The following MAOB variants were observed in gnomAD, a reference collection of about 807,000 sequenced individuals.
MAOB encodes the protein monoamine oxidase B.
MAOB carries 15 observed loss-of-function variants against 41.9 expected under a neutral mutation model. The ratio of observed to expected loss-of-function variants is 0.36; its 90% CI spans 0.24 to 0.55. The LOEUF (loss-of-function observed/expected upper bound fraction) is 0.55, where lower values mean the gene tolerates loss of function less well. Ranked by LOEUF, MAOB falls within the 20% of genes least tolerant of loss-of-function variation. The pLI, the probability that MAOB is intolerant of heterozygous loss-of-function variation, is 0.86. For missense variants in MAOB, 345 were observed against 398.7 expected (o/e 0.87, Z 1.15); for synonymous variants, 167 against 144.2 (o/e 1.16, Z -1.13).
At chrX:43,842,412 G>A (rs1161468840) in intron 2 of MAOB, among the ~76,000 whole-genome samples, 1 of 112,421 alleles carries the variant, frequency 8.9e-6, no homozygotes, top group East Asian at 2.8e-4. Flanking sequence ...AAAATAATCA[G>A]TGTTGTCAAG....
Position 43,838,982 on chromosome X carries a change from G to GTCC in MAOB, c.162_164dup (p.Val54_Asp55insGlu). On this transcript the variant is annotated inframe_insertion, in exon 3 of 15. Coordinates refer to ENST00000378069, the MANE Select transcript of MAOB (RefSeq NM_000898.5). ...TTGGTCCAACATAGGATCCTCCAAG[G>GTCC]TCCACATATTTAACCTTTTGGTTCT... 1 of 1,190,341 alleles carries GTCC rather than the reference G, an allele frequency of 8.4e-7. No individual in the cohort carries two copies. The highest frequency in any genetic ancestry group is 1.1e-6 in the Non-Finnish European group (1 of 885,465).
intron 1 of MAOB, among the ~76,000 whole-genome samples, chrX:43,873,578 A>G (rs2035421141): frequency 8.9e-6 from 1 of 111,880 alleles, no homozygotes; most frequent in Non-Finnish European, 1.9e-5. Flanking sequence ...CTATGGTAAG[A>G]TGACTAACAT....
intron 1 of MAOB, 48 bp downstream of exon 1, chrX:43,882,206 C>A: frequency 8.3e-7 from 1 of 1,200,556 alleles, no homozygotes; most frequent in Non-Finnish European, 1.1e-6. Context: ...CAGGCAGCCA[C>A]CTGTCCGAGC....
chrX:43,832,364 T>C (rs2035028115), intron 3 of MAOB, among the ~76,000 whole-genome samples: 1 of 112,010 alleles, frequency 8.9e-6, no homozygotes, highest in Non-Finnish European at 1.9e-5. Flanking sequence ...TTTGCTTTTT[T>C]GCACACATAC....
chrX:43,793,065 G>GT (rs2034482439), intron 8 of MAOB, among the ~76,000 whole-genome samples: 1 of 112,103 alleles, frequency 8.9e-6, no homozygotes, highest in East Asian at 2.8e-4. Flanking sequence ...TATCCTAAGT[G>GT]AATCAATGTA....
chrX:43,774,766 C>G (rs1031410605), intron 12 of MAOB, among the ~76,000 whole-genome samples: 3 of 111,493 alleles, frequency 2.7e-5, no homozygotes, highest in Non-Finnish European at 5.6e-5. Flanking sequence ...TTGGGTGAAC[C>G]CTTGGACTAC....
chrX:43,869,998 G>A lies in MAOB; in HGVS notation c.46+12256C>T, dbSNP rs191816429. 2.7e-5 allele frequency among the ~76,000 whole-genome samples: 3 copies of A among 112,202 alleles called. No homozygotes were observed. In the Admixed American group the frequency reaches 2.8e-4, roughly 11 times the overall value. On this transcript the variant is annotated intron_variant, in intron 1 of 14. Transcript: ENST00000378069. ...TCCCTTATCCATCAAGAACTCCATT[G>A]TCCATTTTTTTTATAATCACTTTCA...
At chrX:43,819,065 A>G (rs909665874) in intron 3 of MAOB, among the ~76,000 whole-genome samples, 1 of 111,575 alleles carries the variant, frequency 9.0e-6, no homozygotes, top group Non-Finnish European at 1.9e-5. Flanking sequence ...CTCTGTCCAG[A>G]GCCTTTGGGT....
chrX:43,872,153 A>G (rs1330382510), intron 1 of MAOB, among the ~76,000 whole-genome samples: 1 of 112,175 alleles, frequency 8.9e-6, no homozygotes, highest in Non-Finnish European at 1.9e-5. Flanking sequence ...GATGGTACCC[A>G]ATAAATTTAA....
At chrX:43,864,980 A>G (rs1167548510) in intron 1 of MAOB, among the ~76,000 whole-genome samples, 7 of 111,966 alleles carry the variant, frequency 6.3e-5, no homozygotes, top group Non-Finnish European at 1.3e-4. Context: ...GTACTTTAAA[A>G]TCTTAAGAGG....
At chrX:43,822,754 AAGG>A (rs1161209592) in intron 3 of MAOB, among the ~76,000 whole-genome samples, 2 of 111,552 alleles carry the variant, frequency 1.8e-5, no homozygotes, top group African/African-American at 6.5e-5. Flanking sequence ...AGCCATTTCA[AAGG>A]AGAAGTCATG....
chrX:43,818,531 A>G (rs1431231222), intron 3 of MAOB, among the ~76,000 whole-genome samples: 1 of 112,195 alleles, frequency 8.9e-6, no homozygotes, highest in African/African-American at 3.2e-5. Context: ...GCAGGCACCA[A>G]CATTGCCCAC....
At chrX:43,815,248 A>G (rs1008984448) in intron 3 of MAOB, among the ~76,000 whole-genome samples, 1 of 112,084 alleles carries the variant, frequency 8.9e-6, no homozygotes, top group Non-Finnish European at 1.9e-5. Context: ...TTCAATTTGT[A>G]AACACATAAG....
intron 1 of MAOB, among the ~76,000 whole-genome samples, chrX:43,863,452 C>T (rs1459178209): frequency 9.0e-6 from 1 of 111,588 alleles, no homozygotes; most frequent in Non-Finnish European, 1.9e-5. Flanking sequence ...CGTGTGCGCA[C>T]ACACACATAG....
chrX:43,878,687 G>A (rs868731423), intron 1 of MAOB, among the ~76,000 whole-genome samples: 4 of 110,988 alleles, frequency 3.6e-5, no homozygotes, highest in African/African-American at 1.3e-4. Flanking sequence ...TTCACCAAAG[G>A]TGAGAAAGAG....
chrX:43,833,025 G>A (rs1231405648), intron 3 of MAOB, among the ~76,000 whole-genome samples: 1 of 110,747 alleles, frequency 9.0e-6, no homozygotes, highest in Non-Finnish European at 1.9e-5. Context: ...GGGTGCTGAG[G>A]CTTAGAAAGA....
At chrX:43,863,044 A>G (rs2035342760) in intron 1 of MAOB, among the ~76,000 whole-genome samples, 1 of 112,026 alleles carries the variant, frequency 8.9e-6, no homozygotes. Context: ...TGATCCCAAC[A>G]GTGTGATAAA....
At chrX:43,880,601 A>C (rs757388929) in intron 1 of MAOB, among the ~76,000 whole-genome samples, 23 of 112,476 alleles carry the variant, frequency 2.0e-4, no homozygotes, top group Non-Finnish European at 4.3e-4. Flanking sequence ...TCTTGAGAAA[A>C]GTCAGATCTA....
intron 11 of MAOB, among the ~76,000 whole-genome samples, chrX:43,777,681 G>A (rs890788060): frequency 5.5e-4 from 61 of 111,925 alleles, no homozygotes; most frequent in African/African-American, 2.0e-3. Context: ...TGCTCAACTA[G>A]ATTGTGGTAT....
Sources: gnomAD v4.1 joint callset for allele counts (sites outside exome capture counted in the v4.1 genomes callset) on GRCh38, gnomAD v4.1.1 for gene constraint, MANE v1.5 for transcripts, NCBI Gene and HGNC (gene_info 2026-07-23, HGNC 2026-07-21) for gene names.